Variants in IFT46 observed in about 807,000 individuals in gnomAD.
The protein encoded by IFT46 is intraflagellar transport protein 46 homolog.
In IFT46, 19 loss-of-function variants were observed where a neutral mutation model predicts 39.6. That is an observed-to-expected ratio of 0.48 (90% CI 0.33 to 0.70). The LOEUF (loss-of-function observed/expected upper bound fraction) is 0.70. IFT46 is among the 30% of genes least tolerant of loss of function. The probability of loss-of-function intolerance (pLI) is 0.01; values close to 1 mark genes in which losing one functional copy is unlikely to be tolerated. For missense variants in IFT46, 334 were observed against 364.8 expected (o/e 0.92, Z 0.69); for synonymous variants, 117 against 134.8 (o/e 0.87, Z 0.91).
upstream of IFT46, among the ~76,000 whole-genome samples, chr11:118,574,443 A>G (rs1200708842): frequency 3.3e-5 from 5 of 152,204 alleles, no homozygotes; most frequent in African/African-American, 4.8e-5. Context: ...GAAAAGTTGA[A>G]AGAACTTTGT....
chr11:118,555,322 CCTGGGAAAAGGAAAA>C lies in IFT46; in HGVS notation c.186-15_186-1del. On this transcript the variant is annotated splice_acceptor_variant and splice_polypyrimidine_tract_variant and intron_variant, in intron 4 of 11. Coordinates refer to ENST00000264021, the MANE Select transcript of IFT46 (RefSeq NM_001168618.2). LOFTEE classifies it high-confidence loss of function. ...GCTCATAGTCTGCAGGGTCATAGGC[CCTGGGAAAAGGAAAA>C]CAGTTTGTTCGAGGTGGCCAGAGAA... The C allele has an allele frequency of 2.5e-6, 4 of 1,613,614 alleles. No homozygotes were observed. Among genetic ancestry groups the C allele is most frequent in the Non-Finnish European group, 2.5e-6 (3 of 1,179,758 alleles).
At chr11:118,557,649 T>C (rs1267406190) in intron 3 of IFT46, 3 of 1,480,218 alleles carry the variant, frequency 2.0e-6, no homozygotes, top group Non-Finnish European at 2.8e-6. Context: ...TATCTGTATT[T>C]CCCTTCCCTT....
chr11:118,574,643 G>C (rs1938441962), upstream of IFT46, among the ~76,000 whole-genome samples: 1 of 152,078 alleles, frequency 6.6e-6, no homozygotes. Context: ...AGTTATTGAA[G>C]TGCAGAATGT....
chr11:118,560,005 G>A (rs1937986637), intron 2 of IFT46, 141 bp from the exon 3 acceptor site: 1 of 619,926 alleles, frequency 1.6e-6, no homozygotes, highest in African/African-American at 1.8e-5. Flanking sequence ...ACAGGAGACT[G>A]AATTCTAGTC....
Position 118,544,722 on chromosome 11 carries a change from C to T in IFT46, c.*194G>A. On this transcript the variant is annotated 3_prime_UTR_variant, in exon 12 of 12. Coordinates refer to ENST00000264021, the MANE Select transcript of IFT46 (RefSeq NM_001168618.2). ...TGTAGATGCATTAACTCCCCGGGGA[C>T]AGCAATCTGAGGCAGGCAGGTTCAT... is the stretch of plus-strand genomic sequence containing the variant. The T allele has an allele frequency of 1.8e-6, 1 of 548,294 alleles. No homozygotes were observed. Among genetic ancestry groups the T allele is most frequent in the Non-Finnish European group, 3.3e-6 (1 of 306,520 alleles). 34.0% of individuals were successfully genotyped at this position (548,294 alleles called of 1,614,324 possible). A position where few individuals can be genotyped will look rare whatever the true frequency, so the allele number is the denominator to read the frequency against.
At chr11:118,572,390 G>T in intron 1 of IFT46, 1 of 317,668 alleles carries the variant, frequency 3.1e-6, no homozygotes, top group Non-Finnish European at 5.5e-6. Context: ...TCCGGTTGAA[G>T]ACGTGGCTTG....
chr11:118,546,918 T>C (rs942482144), intron 9 of IFT46: 4 of 148,820 alleles, frequency 2.7e-5, no homozygotes, highest in African/African-American at 9.9e-5. Flanking sequence ...TTTAAACTAC[T>C]GGTTTCTTAA....
intron 1 of IFT46, among the ~76,000 whole-genome samples, chr11:118,572,125 A>C (rs1397452234): frequency 2.0e-5 from 3 of 151,484 alleles, no homozygotes; most frequent in Admixed American, 1.3e-4. Context: ...TATATTCCGG[A>C]TACTGGTCTT....
At chr11:118,561,326 G>C (rs879977512) in intron 2 of IFT46, 10 of 994,872 alleles carry the variant, frequency 1.0e-5, no homozygotes, top group Non-Finnish European at 1.6e-5. Context: ...CTTAACAGAA[G>C]AAGATGAAGA....
chr11:118,558,185 G>A (rs543665680), intron 3 of IFT46, among the ~76,000 whole-genome samples: 23 of 152,228 alleles, frequency 1.5e-4, no homozygotes, highest in Non-Finnish European at 3.2e-4. Context: ...TTTATTCAGT[G>A]ACTATGCCTT....
intron 8 of IFT46, 23 bp downstream of exon 8, chr11:118,552,191 G>A (rs782421456): frequency 1.2e-6 from 2 of 1,613,592 alleles, no homozygotes; most frequent in Non-Finnish European, 1.7e-6. Context: ...TGTTACTGTT[G>A]CAAAGAATGT....
At chr11:118,545,115 T>G in intron 11 of IFT46, 104 bp from the exon 12 acceptor site, 1 of 900,404 alleles carries the variant, frequency 1.1e-6, no homozygotes, top group Middle Eastern at 2.9e-4. Flanking sequence ...ATTTCCTTCC[T>G]GCTTCCATTC....
At chr11:118,555,362 A>T (rs1555069294) in intron 4 of IFT46, 40 bp from the exon 5 acceptor site, 5 of 1,521,254 alleles carry the variant, frequency 3.3e-6, no homozygotes, top group Non-Finnish European at 1.8e-6. Flanking sequence ...TGGCCAGAGA[A>T]GAGCAGAGGT....
chr11:118,574,812 G>A (rs1456571089), upstream of IFT46, among the ~76,000 whole-genome samples: 2 of 151,906 alleles, frequency 1.3e-5, no homozygotes, highest in African/African-American at 4.8e-5. Flanking sequence ...CTGGAGGGCA[G>A]TAGCTATTCA....
At chr11:118,563,051 C>T (rs1310033339) in intron 2 of IFT46, among the ~76,000 whole-genome samples, 14 of 147,470 alleles carry the variant, frequency 9.5e-5, no homozygotes, top group African/African-American at 2.0e-4. Context: ...GGTGACAGAG[C>T]GAAATTCAGT....
At position 118,544,871 on chromosome 11, in the gene IFT46, G is replaced by T; in HGVS notation, c.*45C>A. The T allele has an allele frequency of 1.5e-6, 2 of 1,367,314 alleles. No individual in the cohort carries two copies. Among genetic ancestry groups the T allele is most frequent in the Non-Finnish European group, 2.1e-6 (2 of 958,998 alleles). The allele number at this position is 1,367,314 out of a possible 1,614,324, so 84.7% of individuals were successfully genotyped here. A position where few individuals can be genotyped will look rare whatever the true frequency, so the allele number is the denominator to read the frequency against. ...CAACGATCTGTCCATCTCAGCTGGG[G>T]CAGAGGGGCCAGCTCAGCCTTGAAA... On this transcript the variant is annotated 3_prime_UTR_variant, in exon 12 of 12. Transcript: ENST00000264021.
intron 2 of IFT46, chr11:118,561,653 C>A: frequency 2.9e-6 from 1 of 348,000 alleles, no homozygotes; most frequent in Non-Finnish European, 5.4e-6. Flanking sequence ...AAAGATTTAA[C>A]CTCTTTGAGT....
At chr11:118,572,836 C>T in exon 1 of IFT46, 1 of 425,134 alleles carries the variant, frequency 2.4e-6, no homozygotes, top group South Asian at 4.8e-5. Context: ...GGCGTTTTTG[C>T]TCTGCGAGAA....
At position 118,560,663 on chromosome 11, in the gene IFT46, C is replaced by T. The variant is rs114684161; in HGVS notation, c.-35-799G>A. On this transcript the variant is annotated intron_variant, in intron 2 of 11. Transcript: ENST00000264021. ...CTGGGCCGGCAGGTCTCTGTCGAGC[C>T]GCAAACGCGGGTCTCTGTTCCGCAG... 3,390 of 522,440 alleles carry T rather than the reference C, an allele frequency of 6.5e-3. 104 individuals are homozygous for T. Among genetic ancestry groups the T allele is most frequent in the African/African-American group, 0.057 (2,989 of 52,378 alleles). 32.4% of individuals were successfully genotyped at this position (522,440 alleles called of 1,614,324 possible).
Sources: allele counts gnomAD v4.1 joint callset (sites outside exome capture counted in the v4.1 genomes callset), GRCh38; gene constraint gnomAD v4.1.1; transcripts MANE v1.5; gene names NCBI Gene and HGNC (gene_info 2026-07-23, HGNC 2026-07-21).